The following VRK2 variants were observed in gnomAD, a reference collection of about 807,000 sequenced individuals.
VRK2 encodes serine/threonine-protein kinase VRK2.
In VRK2, 60 loss-of-function variants were observed where a neutral mutation model predicts 57.6. That is an observed-to-expected ratio of 1.04 (90% CI 0.85 to 1.29). VRK2 has a LOEUF of 1.29. Among genes scored for constraint, VRK2 ranks in the 50% most tolerant of loss-of-function variants. VRK2 has a pLI of 0.00. For missense variants in VRK2, 705 were observed against 588.1 expected, an observed-to-expected ratio of 1.20 and a Z score of -2.06; for synonymous variants, 231 against 199.2, an observed-to-expected ratio of 1.16 and a Z score of -1.35.
At chr2:58,062,497 C>G (rs1677496235) in intron 2 of VRK2, among the ~76,000 whole-genome samples, 1 of 152,070 alleles carries the variant, frequency 6.6e-6, no homozygotes, top group South Asian at 2.1e-4. Context: ...GGCTAGGCCT[C>G]TTAAACACCA....
intron 1 of VRK2, among the ~76,000 whole-genome samples, chr2:57,933,553 C>T (rs1407632585): frequency 6.6e-6 from 1 of 151,676 alleles, no homozygotes; most frequent in African/African-American, 2.4e-5. Flanking sequence ...CGTGATCCAC[C>T]CACCTCGGCC....
intron 11 of VRK2, among the ~76,000 whole-genome samples, chr2:58,143,598 T>A (rs1399712808): frequency 6.6e-6 from 1 of 151,922 alleles, no homozygotes; most frequent in Non-Finnish European, 1.5e-5. Flanking sequence ...TATATTATAC[T>A]GAATTTTGCT....
intron 2 of VRK2, chr2:58,058,568 C>A: frequency 3.6e-6 from 1 of 276,236 alleles, no homozygotes; most frequent in African/African-American, 2.2e-5. Flanking sequence ...ACATAGAACA[C>A]AGAAAAGTAA....
intron 12 of VRK2, chr2:58,154,665 G>C: frequency 2.8e-6 from 2 of 705,952 alleles, no homozygotes; most frequent in Non-Finnish European, 2.6e-6. Flanking sequence ...CCATTTAAAG[G>C]GGTCTTTAAA....
At chr2:58,050,879 C>G (rs1017231021) in intron 2 of VRK2, among the ~76,000 whole-genome samples, 11 of 151,616 alleles carry the variant, frequency 7.3e-5, no homozygotes, top group Non-Finnish European at 1.2e-4. Context: ...GAGTCTCGCT[C>G]TGTCACCCAG....
At chr2:57,980,857 CTTTTT>C (rs955226661) in intron 1 of VRK2, among the ~76,000 whole-genome samples, 1 of 151,258 alleles carries the variant, frequency 6.6e-6, no homozygotes, top group Non-Finnish European at 1.5e-5. Context: ...GCAACGCTTG[CTTTTT>C]TTTTCTTTTC....
intron 1 of VRK2, among the ~76,000 whole-genome samples, chr2:57,954,455 G>C (rs1025409582): frequency 6.6e-6 from 1 of 152,056 alleles, no homozygotes; most frequent in Non-Finnish European, 1.5e-5. Flanking sequence ...AATTCAACAT[G>C]TTGTTTCTTG....
intron 2 of VRK2, among the ~76,000 whole-genome samples, chr2:58,079,577 C>T (rs1012133953): frequency 1.2e-4 from 18 of 151,948 alleles, no homozygotes; most frequent in Non-Finnish European, 1.8e-4. Context: ...TATTTATTTA[C>T]TTAAATCAGT....
rs190142910 is a variant in VRK2 at position 57,911,830 on chromosome 2, T to G, written c.-439+3991T>G. 2.6e-3 allele frequency among the ~76,000 whole-genome samples: 394 copies of G among 152,332 alleles called. 1 individual carries two copies. The highest frequency in any genetic ancestry group is 4.5e-3 in the Non-Finnish European group (308 of 68,026). ...CCAAGAAAAAAATCAGGAATGTTAC[T>G]GTTGTACTTTTTAGGACCTAGCAAA... is the stretch of plus-strand genomic sequence containing the variant. On this transcript the variant is annotated intron_variant, in intron 1 of 15. Transcript: ENST00000417641.
At chr2:58,124,440 T>C (rs1205963355) in intron 8 of VRK2, among the ~76,000 whole-genome samples, 2 of 152,266 alleles carry the variant, frequency 1.3e-5, no homozygotes, top group Non-Finnish European at 2.9e-5. Context: ...TTCAAAATTA[T>C]ATTCTTTGTA....
intron 3 of VRK2, among the ~76,000 whole-genome samples, chr2:58,038,925 A>G (rs1674359179): frequency 6.6e-6 from 1 of 152,168 alleles, no homozygotes; most frequent in Non-Finnish European, 1.5e-5. Flanking sequence ...AATTTGGAAT[A>G]AAACAAAAAA....
rs772794778 is a variant in VRK2, at chr2:58,123,162, A to G, written c.605A>G (p.Tyr202Cys). The change falls in exon 8 of 13, where the codon TAT becomes TGT. Residue 202 changes from tyrosine to cysteine, a missense_variant. Physicochemically the swap from Tyr to Cys is radical, Grantham distance 194. Transcript: ENST00000340157. Reference protein sequence around the residue: ...RYCPNGNHKQYQENPRKGHNG... With the variant: ...RYCPNGNHKQCQENPRKGHNG... ...TGTCCCAATGGGAACCACAAACAGTATCAGGAAAATCCTAGAAAAGGCCAT... is the reference window on the plus strand; with the variant it reads ...TGTCCCAATGGGAACCACAAACAGTGTCAGGAAAATCCTAGAAAAGGCCAT... The G allele has an allele frequency of 1.9e-6, 3 of 1,596,588 alleles. No homozygotes were observed. Among genetic ancestry groups the G allele is most frequent in the South Asian group, 1.1e-5 (1 of 87,228 alleles).
intron 1 of VRK2, among the ~76,000 whole-genome samples, chr2:58,017,558 C>A (rs7563542): frequency 6.6e-6 from 1 of 152,160 alleles, no homozygotes; most frequent in Non-Finnish European, 1.5e-5. Context: ...CTAATGATTT[C>A]TTTTTCACTT....
intron 2 of VRK2, among the ~76,000 whole-genome samples, chr2:58,066,825 G>A (rs1304301598): frequency 6.6e-6 from 1 of 152,112 alleles, no homozygotes; most frequent in African/African-American, 2.4e-5. Context: ...TTAAGGAATT[G>A]CTCCATTTGT....
chr2:57,911,227 A>C (rs1669976101), intron 1 of VRK2, among the ~76,000 whole-genome samples: 1 of 152,120 alleles, frequency 6.6e-6, no homozygotes. Flanking sequence ...GATTATAAAC[A>C]TTATGCTTTT....
intron 1 of VRK2, among the ~76,000 whole-genome samples, chr2:57,933,257 G>T (rs1489258332): frequency 2.0e-5 from 3 of 149,626 alleles, no homozygotes; most frequent in Non-Finnish European, 4.4e-5. Context: ...GTTGAAAGTT[G>T]GGTGTTGGAG....
intron 1 of VRK2, among the ~76,000 whole-genome samples, chr2:57,970,919 T>C (rs1461193786): frequency 2.0e-5 from 3 of 152,056 alleles, no homozygotes; most frequent in Non-Finnish European, 4.4e-5. Context: ...TTTTTTTCCT[T>C]TTTTGTTTTT....
intron 1 of VRK2, among the ~76,000 whole-genome samples, chr2:57,976,501 G>C (rs1315785631): frequency 2.6e-5 from 4 of 151,890 alleles, no homozygotes; most frequent in Non-Finnish European, 5.9e-5. Flanking sequence ...TTAGCCACTT[G>C]TATGTCTTCT....
intron 7 of VRK2, among the ~76,000 whole-genome samples, chr2:58,113,694 A>T (rs1376886501): frequency 6.6e-6 from 1 of 152,088 alleles, no homozygotes; most frequent in African/African-American, 2.4e-5. Flanking sequence ...ACGGTTAATC[A>T]CTTAGTTAAG....
Sources: gnomAD v4.1 joint callset for allele counts (sites outside exome capture counted in the v4.1 genomes callset) on GRCh38, gnomAD v4.1.1 for gene constraint, MANE v1.5 for transcripts, NCBI Gene and HGNC (gene_info 2026-07-23, HGNC 2026-07-21) for gene names.